Variants in ZNF385D observed in about 807,000 individuals in gnomAD.
The protein encoded by ZNF385D is zinc finger protein 659.
A neutral mutation model predicts 35.8 loss-of-function variants in ZNF385D; 15 were observed. That is an observed-to-expected ratio of 0.42 (90% CI 0.28 to 0.64). The LOEUF (loss-of-function observed/expected upper bound fraction) is 0.64. Ranked by LOEUF, ZNF385D falls within the 30% of genes least tolerant of loss-of-function variation. The probability of loss-of-function intolerance (pLI) is 0.23; values close to 1 mark genes in which losing one functional copy is unlikely to be tolerated. For missense variants in ZNF385D, 474 were observed against 494.6 expected (o/e 0.96, Z 0.39); for synonymous variants, 212 against 186.8 (o/e 1.13, Z -1.10).
chr3:21,923,017 C>A (rs899060466), intron 3 of ZNF385D, among the ~76,000 whole-genome samples: 1 of 147,324 alleles, frequency 6.8e-6, no homozygotes, highest in Non-Finnish European at 1.5e-5. Context: ...AAGTGGCCAA[C>A]AAACATGAAA....
chr3:21,633,795 T>A (rs1310571403), intron 2 of ZNF385D, among the ~76,000 whole-genome samples: 1 of 152,150 alleles, frequency 6.6e-6, no homozygotes, highest in African/African-American at 2.4e-5. Context: ...CTTTCCATAA[T>A]GTATACATTG....
intron 2 of ZNF385D, among the ~76,000 whole-genome samples, chr3:22,327,181 T>C (rs906218690): frequency 2.0e-4 from 29 of 148,102 alleles, no homozygotes; most frequent in Non-Finnish European, 3.4e-4. Context: ...TAATTTGCAA[T>C]AATAATTGAG....
chr3:21,856,028 G>C (rs77572054), intron 3 of ZNF385D, among the ~76,000 whole-genome samples: 1 of 151,914 alleles, frequency 6.6e-6, no homozygotes. Context: ...TCATGTGTGT[G>C]TCTGTGTGTG....
intron 3 of ZNF385D, among the ~76,000 whole-genome samples, chr3:22,070,350 C>T (rs997607917): frequency 7.9e-5 from 12 of 152,032 alleles, no homozygotes; most frequent in Admixed American, 1.3e-4. Flanking sequence ...TACAGAGAAA[C>T]GGATGCCTAT....
At chr3:21,787,944 C>CAACAAAAAAAAAAA (rs2071763957) in intron 3 of ZNF385D, among the ~76,000 whole-genome samples, 1 of 75,388 alleles carries the variant, frequency 1.3e-5, no homozygotes, top group East Asian at 5.7e-4. Context: ...TTCGTCTCAA[C>CAACAAAAAAAAAAA]AAAAAAAAAA....
intron 3 of ZNF385D, among the ~76,000 whole-genome samples, chr3:22,095,029 T>C (rs1258913320): frequency 6.6e-6 from 1 of 151,444 alleles, no homozygotes; most frequent in Non-Finnish European, 1.5e-5. Context: ...CACCTCAGAC[T>C]CCCCAACAGT....
At chr3:22,177,600 A>G (rs1258460600) in intron 2 of ZNF385D, among the ~76,000 whole-genome samples, 1 of 152,018 alleles carries the variant, frequency 6.6e-6, no homozygotes, top group East Asian at 1.9e-4. Flanking sequence ...TTATTATTAT[A>G]CTTTTAAGTT....
At chr3:21,533,178 G>A (rs1430025821) in intron 3 of ZNF385D, among the ~76,000 whole-genome samples, 3 of 152,096 alleles carry the variant, frequency 2.0e-5, no homozygotes, top group African/African-American at 4.8e-5. Flanking sequence ...TTTGTAGGCT[G>A]CAGCTCTAAA....
At chr3:22,003,887 GA>G (rs200930536) in intron 3 of ZNF385D, among the ~76,000 whole-genome samples, 8 of 148,388 alleles carry the variant, frequency 5.4e-5, no homozygotes, top group Non-Finnish European at 7.5e-5. Flanking sequence ...AAAAAAGAAA[GA>G]AAAAAAAATC....
At position 21,456,405 on chromosome 3, in the gene ZNF385D, A is replaced by C. The variant is rs557881405; in HGVS notation, c.440-19202T>G. ...TATACACCATGGAATACTATGCAGC[A>C]ATAAAAAAGGATGAGTTCATGTCCT... On this transcript the variant is annotated intron_variant, in intron 4 of 7. Transcript: ENST00000281523. Among the ~76,000 whole-genome samples, 336 of 152,304 alleles carry C rather than the reference A, an allele frequency of 2.2e-3. 2 individuals are homozygous for C. Among genetic ancestry groups the C allele is most frequent in the African/African-American group, 7.6e-3 (314 of 41,558 alleles).
chr3:21,465,733 A>G lies in ZNF385D; in HGVS notation c.440-28530T>C, dbSNP rs1049630061. Reference sequence around the variant, plus strand: ...TGTGTGAATTTACAACATTTCTATAATTTGTTTCTTTATCACCCATTTTAT... The same window carrying G: ...TGTGTGAATTTACAACATTTCTATAGTTTGTTTCTTTATCACCCATTTTAT... On this transcript the variant is annotated intron_variant, in intron 4 of 7. Coordinates refer to ENST00000281523, the MANE Select transcript of ZNF385D (RefSeq NM_024697.3). This position sits in a 1 kb window ranked among gnomAD's most constrained non-coding sequence, Gnocchi z 4.2. Among the ~76,000 whole-genome samples the G allele has an allele frequency of 1.3e-5, 2 of 151,988 alleles. No individual in the cohort carries two copies. The highest frequency in any genetic ancestry group is 2.9e-5 in the Non-Finnish European group (2 of 68,006).
intron 1 of ZNF385D, among the ~76,000 whole-genome samples, chr3:21,674,935 C>T (rs73040074): frequency 7.2e-6 from 1 of 138,206 alleles, no homozygotes; most frequent in Admixed American, 7.0e-5. Context: ...TGGATGGATG[C>T]ATGGATGGAT....
intron 2 of ZNF385D, among the ~76,000 whole-genome samples, chr3:22,219,561 T>C (rs994322981): frequency 2.0e-5 from 3 of 152,258 alleles, no homozygotes; most frequent in East Asian, 3.9e-4. Context: ...TATCATTAAA[T>C]AGTACTGTAG....
At position 21,476,552 on chromosome 3, in the gene ZNF385D, TG is replaced by T. The variant is rs199756588; in HGVS notation, c.439+34308del. Among the ~76,000 whole-genome samples, 925 of 151,664 alleles carry T rather than the reference TG, an allele frequency of 6.1e-3. 18 individuals are homozygous for T. The highest frequency in any genetic ancestry group is 0.05 in the East Asian group (256 of 5,148). On this transcript the variant is annotated intron_variant, in intron 4 of 7. Coordinates refer to ENST00000281523, the MANE Select transcript of ZNF385D (RefSeq NM_024697.3). ...GTCATGAAGACACTTATGCTCAGGGTGGGGTATGTGTGTGTGTGTGCATGCG... is the reference window on the plus strand; with the variant it reads ...GTCATGAAGACACTTATGCTCAGGGTGGGTATGTGTGTGTGTGTGCATGCG...
intron 2 of ZNF385D, among the ~76,000 whole-genome samples, chr3:21,574,251 A>T (rs535942618): frequency 6.6e-6 from 1 of 152,238 alleles, no homozygotes; most frequent in African/African-American, 2.4e-5. Context: ...TCTAGATGTA[A>T]TTGTCTTTGG....
At chr3:21,936,220 C>G (rs1005135248) in intron 3 of ZNF385D, among the ~76,000 whole-genome samples, 1 of 152,028 alleles carries the variant, frequency 6.6e-6, no homozygotes, top group Non-Finnish European at 1.5e-5. Context: ...TGAGAGAAAT[C>G]TTGTTTGGGA....
chr3:21,728,241 A>C (rs2068847805), intron 1 of ZNF385D, among the ~76,000 whole-genome samples: 1 of 151,654 alleles, frequency 6.6e-6, no homozygotes, highest in Non-Finnish European at 1.5e-5. Flanking sequence ...CTATGTAACA[A>C]AACTGCACGT....
intron 3 of ZNF385D, among the ~76,000 whole-genome samples, chr3:21,940,476 A>T (rs994937626): frequency 6.6e-6 from 1 of 152,236 alleles, no homozygotes; most frequent in Non-Finnish European, 1.5e-5. Flanking sequence ...GCAATGTTAC[A>T]TCTGGGTATT....
intron 3 of ZNF385D, among the ~76,000 whole-genome samples, chr3:22,115,658 A>C (rs1260241458): frequency 6.6e-6 from 1 of 152,066 alleles, no homozygotes; most frequent in Non-Finnish European, 1.5e-5. Context: ...GATTCCAGTA[A>C]ACCATATTGA....
Sources: gnomAD v4.1 joint callset for allele counts (sites outside exome capture counted in the v4.1 genomes callset) on GRCh38, gnomAD v4.1.1 for gene constraint, Gnocchi (gnomAD v3.1) non-coding constraint, MANE v1.5 for transcripts, NCBI Gene and HGNC (gene_info 2026-07-23, HGNC 2026-07-21) for gene names.